ADGRL2: variants seen among roughly 807,000 people sequenced by gnomAD.
ADGRL2 encodes adhesion G protein-coupled receptor L2.
ADGRL2 carries 44 observed loss-of-function variants against 157.4 expected under a neutral mutation model. That is an observed-to-expected ratio of 0.28 (90% CI 0.22 to 0.36). The LOEUF is 0.36. Ranked by LOEUF, ADGRL2 falls within the 10% of genes least tolerant of loss-of-function variation. ADGRL2 has a pLI of 1.00. For synonymous variants in ADGRL2, 585 were observed against 624.7 expected (o/e 0.94, Z 0.95); for missense variants, 1,510 against 1,768.9 (o/e 0.85, Z 2.63).
chr1:81,952,283 G>A, intron 9 of ADGRL2, 141 bp downstream of exon 9: 1 of 592,230 alleles, frequency 1.7e-6, no homozygotes, highest in East Asian at 3.0e-5. Flanking sequence ...ATTTTTCCAA[G>A]GAAGAATTAC....
chr1:81,933,129 A>C (rs1331061515), intron 3 of ADGRL2, among the ~76,000 whole-genome samples: 1 of 152,200 alleles, frequency 6.6e-6, no homozygotes, highest in Admixed American at 6.5e-5. Context: ...AAATGAAATA[A>C]GACCAGTTAT....
chr1:81,430,739 GTTCTCTCC>G (rs1332900460), intron 1 of ADGRL2, among the ~76,000 whole-genome samples: 3 of 152,096 alleles, frequency 2.0e-5, no homozygotes, highest in Non-Finnish European at 4.4e-5. Context: ...GCAGTATGCT[GTTCTCTCC>G]TTTTTTTCCC....
At chr1:81,625,721 A>C (rs1570671351) in intron 3 of ADGRL2, 1 of 152,164 alleles carries the variant, frequency 6.6e-6, no homozygotes, top group African/African-American at 2.4e-5. Context: ...TCTTTACATT[A>C]CAGTTGCATT....
intron 1 of ADGRL2, among the ~76,000 whole-genome samples, chr1:81,418,064 C>A (rs893776698): frequency 1.3e-5 from 2 of 152,118 alleles, no homozygotes; most frequent in African/African-American, 4.8e-5. Context: ...ACCTGAATAA[C>A]CCAGCTCTCT....
At chr1:81,501,669 G>T in intron 2 of ADGRL2, 2 of 1,504,682 alleles carry the variant, frequency 1.3e-6, no homozygotes, top group Middle Eastern at 2.5e-4. Flanking sequence ...TCCGCCACCC[G>T]AAAACCCGGA....
intron 3 of ADGRL2, among the ~76,000 whole-genome samples, chr1:81,921,206 T>C (rs904645443): frequency 6.6e-6 from 1 of 152,190 alleles, no homozygotes; most frequent in African/African-American, 2.4e-5. Context: ...TCAAATATGC[T>C]TAAGAAGTTG....
intron 1 of ADGRL2, among the ~76,000 whole-genome samples, chr1:81,335,695 C>G (rs967271261): frequency 6.6e-6 from 1 of 152,140 alleles, no homozygotes; most frequent in Non-Finnish European, 1.5e-5. Flanking sequence ...GAAGGAGGAA[C>G]ATAATGTATG....
intron 1 of ADGRL2, among the ~76,000 whole-genome samples, chr1:81,367,805 G>A (rs145103843): frequency 0.045 from 6,806 of 152,154 alleles, 247 homozygotes; most frequent in African/African-American, 0.091. Flanking sequence ...GTCCACCTTG[G>A]CCTCCCAAAG....
chr1:81,732,259 T>A (rs951816861), intron 1 of ADGRL2, among the ~76,000 whole-genome samples: 2 of 152,146 alleles, frequency 1.3e-5, no homozygotes, highest in African/African-American at 4.8e-5. Flanking sequence ...TGCTGTAAAA[T>A]CTCTAGGTAT....
At chr1:81,506,381 A>G (rs904328902) in intron 2 of ADGRL2, 8 of 152,164 alleles carry the variant, frequency 5.3e-5, no homozygotes, top group African/African-American at 1.7e-4. Context: ...CTGTGGTCCA[A>G]TTGATTTATG....
intron 2 of ADGRL2, among the ~76,000 whole-genome samples, chr1:81,556,513 C>T (rs761041720): frequency 4.6e-5 from 7 of 150,852 alleles, no homozygotes; most frequent in Non-Finnish European, 8.9e-5. Flanking sequence ...ATGGAAAACA[C>T]ACATAAAAAG....
chr1:81,876,556 T>A (rs1213305484), intron 2 of ADGRL2, among the ~76,000 whole-genome samples: 1 of 151,372 alleles, frequency 6.6e-6, no homozygotes, highest in Non-Finnish European at 1.5e-5. Flanking sequence ...GAGGTTTTCA[T>A]GTATTAACAA....
intron 2 of ADGRL2, among the ~76,000 whole-genome samples, chr1:81,539,436 C>T (rs114352427): frequency 9.3e-4 from 142 of 152,276 alleles, no homozygotes; most frequent in African/African-American, 3.3e-3. Context: ...TATCATCAAA[C>T]ATTTCACAAC....
intron 3 of ADGRL2, among the ~76,000 whole-genome samples, chr1:81,655,281 T>C (rs559160575): frequency 6.6e-6 from 1 of 152,318 alleles, no homozygotes; most frequent in Admixed American, 6.5e-5. Flanking sequence ...ATTACAGGCG[T>C]GAGCCACCGT....
intron 1 of ADGRL2, among the ~76,000 whole-genome samples, chr1:81,363,658 C>A (rs1245605362): frequency 6.6e-6 from 1 of 152,086 alleles, no homozygotes; most frequent in Non-Finnish European, 1.5e-5. Flanking sequence ...CCAATCAATT[C>A]ATTTAAAATA....
intron 2 of ADGRL2, chr1:81,502,908 T>C: frequency 1.2e-6 from 2 of 1,613,114 alleles, no homozygotes; most frequent in Non-Finnish European, 1.7e-6. Context: ...GTGGCACCAA[T>C]ACCAGTAGCC....
intron 1 of ADGRL2, among the ~76,000 whole-genome samples, chr1:81,827,207 A>G (rs1252197716): frequency 6.6e-6 from 1 of 152,216 alleles, no homozygotes; most frequent in African/African-American, 2.4e-5. Flanking sequence ...GCATTATACA[A>G]GAAACTTAGC....
At chr1:81,530,850 C>A (rs527600276) in intron 2 of ADGRL2, among the ~76,000 whole-genome samples, 1 of 152,034 alleles carries the variant, frequency 6.6e-6, no homozygotes, top group East Asian at 1.9e-4. Flanking sequence ...TTTGGGAGGC[C>A]AAGGCAGGCA....
chr1:81,390,265 T>G (rs536351356), intron 1 of ADGRL2, among the ~76,000 whole-genome samples: 1 of 152,414 alleles, frequency 6.6e-6, no homozygotes, highest in Admixed American at 6.5e-5. Context: ...ACCCACTGAT[T>G]GGTTAGTTGG....
Sources: allele counts gnomAD v4.1 joint callset (sites outside exome capture counted in the v4.1 genomes callset), GRCh38; gene constraint gnomAD v4.1.1; transcripts MANE v1.5; gene names NCBI Gene and HGNC (gene_info 2026-07-23, HGNC 2026-07-21).